FRMD4A: variants seen among roughly 807,000 people sequenced by gnomAD.
FRMD4A encodes FERM domain containing 4A, also known as FERM domain-containing protein 4A.
FRMD4A carries 29 observed loss-of-function variants against 129.1 expected under a neutral mutation model. The observed-to-expected ratio is 0.22, with a 90% CI of 0.17 to 0.31. The LOEUF is 0.31. FRMD4A is among the 10% of genes least tolerant of loss of function. FRMD4A has a pLI of 1.00. For synonymous variants in FRMD4A, 634 were observed against 571.6 expected (o/e 1.11, Z -1.56); for missense variants, 1,272 against 1,375.8 (o/e 0.92, Z 1.19).
chr10:13,666,138 G>T lies in FRMD4A; in HGVS notation c.1562C>A (p.Ser521Tyr). 1 of 1,613,450 alleles carries T rather than the reference G, an allele frequency of 6.2e-7. No homozygotes were observed. Among genetic ancestry groups the T allele is most frequent in the Non-Finnish European group, 8.5e-7 (1 of 1,179,340 alleles). The change falls in exon 18 of 25, where the codon TCT becomes TAT. Residue 521 changes from serine to tyrosine, a missense_variant. Ser to Tyr is a moderately radical substitution (Grantham distance 144). This residue lies in a region of FRMD4A where 972 missense variants were observed against 892.3 expected (regional missense o/e 1.09). Coordinates refer to ENST00000357447, the MANE Select transcript of FRMD4A (RefSeq NM_018027.5). ...AGCCCTCTGGGTGGGTTTCTTCCCA[G>T]ACTTGATGCGGTTCTCATTGATTGC... Reference protein sequence around the residue: ...ENAINENRIKSGKKPTQRASL... With the variant: ...ENAINENRIKYGKKPTQRASL...
Position 13,821,173 on chromosome 10 carries a change from A to T in FRMD4A, c.112-10265T>A, listed in dbSNP as rs1393100161. Among the ~76,000 whole-genome samples, 4 of 151,980 alleles carry T rather than the reference A, an allele frequency of 2.6e-5. No homozygotes were observed. The highest frequency in any genetic ancestry group is 9.7e-5 in the African/African-American group (4 of 41,366). ...GAGGTGACTCTGTGCAGCTCTGTCC[A>T]CTGTGTGGCCAGCAGGTCTGGGCGG... On this transcript the variant is annotated intron_variant, in intron 3 of 24. Coordinates refer to ENST00000357447, the MANE Select transcript of FRMD4A (RefSeq NM_018027.5). The surrounding 1 kb of genome is among the most constrained non-coding windows in gnomAD (Gnocchi z 4.3).
In FRMD4A at chr10:13,684,192, T is replaced by C. The variant is rs532576539; in HGVS notation, c.1118-9148A>G. The C allele has an allele frequency of 6.9e-5, 24 of 348,916 alleles. No homozygotes were observed. In the South Asian group the frequency reaches 2.7e-3, roughly 40 times the overall value. The allele number at this position is 348,916 out of a possible 1,614,324, so 21.6% of individuals were successfully genotyped here. On this transcript the variant is annotated intron_variant, in intron 15 of 24. Transcript: ENST00000357447. The stretch of plus-strand genomic sequence containing the variant: ...TGTTTTTGGCGACCTTATGAGCACA[T>C]TTCAATCCTAATCCAAAGGATTTTC...
chr10:14,110,637 C>CAA (rs1837851002), intron 2 of FRMD4A, among the ~76,000 whole-genome samples: 2 of 151,574 alleles, frequency 1.3e-5, no homozygotes, highest in South Asian at 4.2e-4. Flanking sequence ...GCTAACAAAA[C>CAA]AAAACAAAAC....
intron 2 of FRMD4A, among the ~76,000 whole-genome samples, chr10:14,042,179 G>A (rs1265470099): frequency 6.6e-6 from 1 of 152,198 alleles, no homozygotes; most frequent in African/African-American, 2.4e-5. Context: ...CCACCATGTA[G>A]CCTAAATATT....
At chr10:14,050,875 A>G (rs1344222877) in intron 2 of FRMD4A, among the ~76,000 whole-genome samples, 1 of 152,150 alleles carries the variant, frequency 6.6e-6, no homozygotes, top group Non-Finnish European at 1.5e-5. Context: ...CTGCTTCTTT[A>G]TAATAAACTG....
intron 2 of FRMD4A, among the ~76,000 whole-genome samples, chr10:14,145,880 C>T (rs1016532779): frequency 6.6e-6 from 1 of 152,146 alleles, no homozygotes; most frequent in African/African-American, 2.4e-5. Context: ...GCAACCATTT[C>T]CATTTAGAGT....
At chr10:13,700,295 G>A (rs192185343) in intron 14 of FRMD4A, among the ~76,000 whole-genome samples, 159 of 149,872 alleles carry the variant, frequency 1.1e-3, no homozygotes, top group Middle Eastern at 3.4e-3. Context: ...CCCCCAATTC[G>A]CTCACTCTCC....
At chr10:14,087,382 A>G (rs1836350735) in intron 2 of FRMD4A, 1 of 148,834 alleles carries the variant, frequency 6.7e-6, no homozygotes, top group South Asian at 2.1e-4. Context: ...TATAAAATAT[A>G]TATTAATTCT....
At chr10:13,996,608 G>A (rs2095623378) in intron 2 of FRMD4A, among the ~76,000 whole-genome samples, 1 of 152,100 alleles carries the variant, frequency 6.6e-6, no homozygotes, top group Non-Finnish European at 1.5e-5. Context: ...CTGGTGAAGG[G>A]GAACTAGGCA....
chr10:13,997,615 TTTTC>T (rs1321851435), intron 2 of FRMD4A, among the ~76,000 whole-genome samples: 7 of 132,380 alleles, frequency 5.3e-5, no homozygotes, highest in Non-Finnish European at 6.6e-5. Flanking sequence ...AATTCTTTTC[TTTTC>T]TTTTCTTTTT....
In FRMD4A at chr10:14,055,277, A is replaced by G. The variant is rs1488968979; in HGVS notation, c.46-196365T>C. Among the ~76,000 whole-genome samples the G allele has an allele frequency of 1.2e-4, 18 of 152,222 alleles. 1 individual carries two copies. The highest frequency in any genetic ancestry group is 1.1e-3 in the Admixed American group (17 of 15,286). ...AACTGAGGTTTTCAGGTTACTCTGT[A>G]TGGATATGCTTTGGTGGATCTGGTC... On this transcript the variant is annotated intron_variant, in intron 2 of 24. Coordinates refer to ENST00000357447, the MANE Select transcript of FRMD4A (RefSeq NM_018027.5).
intron 2 of FRMD4A, among the ~76,000 whole-genome samples, chr10:14,207,818 T>C (rs1842829522): frequency 6.6e-6 from 1 of 152,194 alleles, no homozygotes; most frequent in Admixed American, 6.5e-5. Context: ...TCCCTCTTTA[T>C]ACTGTTTACA....
chr10:14,288,364 G>T (rs1335557672), intron 2 of FRMD4A, among the ~76,000 whole-genome samples: 2 of 152,078 alleles, frequency 1.3e-5, no homozygotes, highest in African/African-American at 2.4e-5. Flanking sequence ...GGAGACAAAG[G>T]TTTGCTCAAA....
chr10:13,678,428 C>G (rs1170164408), intron 15 of FRMD4A, among the ~76,000 whole-genome samples: 2 of 152,236 alleles, frequency 1.3e-5, no homozygotes, highest in Non-Finnish European at 1.5e-5. Flanking sequence ...GAGGGTAAAA[C>G]AGATCTGAGT....
intron 2 of FRMD4A, among the ~76,000 whole-genome samples, chr10:14,053,719 C>T (rs1010660242): frequency 6.6e-6 from 1 of 152,098 alleles, no homozygotes; most frequent in Non-Finnish European, 1.5e-5. Flanking sequence ...CATCCACCTC[C>T]ATCAAAAAGA....
intron 6 of FRMD4A, among the ~76,000 whole-genome samples, chr10:13,772,207 T>TTATTATTATTATATAATAATAAA (rs2092478288): frequency 6.0e-5 from 6 of 99,652 alleles, no homozygotes; most frequent in Non-Finnish European, 1.1e-4. Flanking sequence ...TAATAAATAT[T>TTATTATTATTATATAATAATAAA]TATTTATTAT....
intron 2 of FRMD4A, among the ~76,000 whole-genome samples, chr10:14,319,974 C>T (rs186977197): frequency 5.9e-5 from 9 of 152,310 alleles, no homozygotes; most frequent in Non-Finnish European, 1.3e-4. Context: ...CTGGCTCCTC[C>T]CTGTGCGTGT....
intron 17 of FRMD4A, among the ~76,000 whole-genome samples, chr10:13,667,079 C>T (rs1178207014): frequency 1.3e-5 from 2 of 151,966 alleles, no homozygotes; most frequent in African/African-American, 4.8e-5. Context: ...ACCTTGCTAA[C>T]TTTTGTATTT....
chr10:14,326,716 C>G (rs1554810575), intron 2 of FRMD4A: 2 of 397,250 alleles, frequency 5.0e-6, no homozygotes, highest in Non-Finnish European at 8.9e-6. Flanking sequence ...ATCCTCGGCT[C>G]TAGCATGTTC....
Sources: allele counts gnomAD v4.1 joint callset (sites outside exome capture counted in the v4.1 genomes callset), GRCh38; gene constraint gnomAD v4.1.1; regional missense constraint gnomAD v4.1.1; non-coding constraint Gnocchi (gnomAD v3.1); transcripts MANE v1.5; gene names NCBI Gene and HGNC (gene_info 2026-07-23, HGNC 2026-07-21).